SRGAP3: variants seen among roughly 807,000 people sequenced by gnomAD.
SRGAP3 encodes the protein SLIT-ROBO Rho GTPase-activating protein 3.
In SRGAP3, 39 loss-of-function variants were observed where a neutral mutation model predicts 121.1. The ratio of observed to expected loss-of-function variants is 0.32; its 90% CI spans 0.25 to 0.42. The LOEUF (loss-of-function observed/expected upper bound fraction) is 0.42. Ranked by LOEUF, SRGAP3 falls within the 10% of genes least tolerant of loss-of-function variation. SRGAP3 has a pLI of 1.00. For synonymous variants in SRGAP3, 601 were observed against 570.0 expected (o/e 1.05, Z -0.77); for missense variants, 1,213 against 1,470.6 (o/e 0.82, Z 2.86).
chr3:9,113,281 G>A (rs571186894), intron 2 of SRGAP3, among the ~76,000 whole-genome samples: 1 of 152,300 alleles, frequency 6.6e-6, no homozygotes, highest in East Asian at 1.9e-4. Context: ...TCCAAGGACT[G>A]TGAAGGAGGA....
rs144489859 is a variant in SRGAP3, at chr3:9,151,323, G to A, written c.68-26406C>T. ...GGAGCCCAGAACTTACTGGAGGCTC[G>A]TTCGGGATGTTTGGCATGCAGCCAT... On this transcript the variant is annotated intron_variant, in intron 1 of 21. Coordinates refer to ENST00000383836, the MANE Select transcript of SRGAP3 (RefSeq NM_014850.4). 4.7e-4 allele frequency among the ~76,000 whole-genome samples: 72 copies of A among 152,292 alleles called. No homozygotes were observed. In the Middle Eastern group the frequency reaches 0.027, roughly 58 times the overall value.
chr3:9,152,846 G>A (rs1477239783), intron 1 of SRGAP3, among the ~76,000 whole-genome samples: 1 of 124,992 alleles, frequency 8.0e-6, no homozygotes, highest in Non-Finnish European at 1.7e-5. Context: ...ATCCACGACT[G>A]ATCAACATGA....
At chr3:9,095,317 T>G (rs888343079) in intron 3 of SRGAP3, among the ~76,000 whole-genome samples, 6 of 152,076 alleles carry the variant, frequency 3.9e-5, no homozygotes, top group African/African-American at 1.4e-4. Context: ...TTTTATGGTT[T>G]GTGCTTTCTA....
chr3:9,350,071 A>G (rs1383244812), intron 1 of SRGAP3: 1 of 144,284 alleles, frequency 6.9e-6, no homozygotes, highest in East Asian at 2.0e-4. Flanking sequence ...AGTGATCTGT[A>G]AAAAAAAAAA....
chr3:9,264,923 C>T (rs140304854), intron 3 of SRGAP3, among the ~76,000 whole-genome samples: 3,726 of 152,240 alleles, frequency 0.024, 152 homozygotes, highest in African/African-American at 0.085. Flanking sequence ...CAAGACAATC[C>T]TAAGCAAAAA....
intron 3 of SRGAP3, among the ~76,000 whole-genome samples, chr3:9,298,480 T>C (rs560371238): frequency 6.6e-6 from 1 of 152,332 alleles, no homozygotes; most frequent in East Asian, 1.9e-4. Flanking sequence ...AATCTGGCTG[T>C]GATAGCTAGT....
intron 1 of SRGAP3, among the ~76,000 whole-genome samples, chr3:9,231,904 G>A (rs150641813): frequency 2.1e-3 from 320 of 152,264 alleles, no homozygotes; most frequent in African/African-American, 7.6e-3. Flanking sequence ...GAATGCAGAC[G>A]TGACTCGCTC....
chr3:9,089,143 C>A (rs991080571), intron 3 of SRGAP3, among the ~76,000 whole-genome samples: 10 of 152,184 alleles, frequency 6.6e-5, no homozygotes, highest in African/African-American at 2.4e-4. Context: ...TGCTCTCAAG[C>A]CTCCCAAAGT....
intron 21 of SRGAP3, among the ~76,000 whole-genome samples, chr3:8,990,153 GA>G (rs1941950440): frequency 1.3e-5 from 2 of 152,230 alleles, no homozygotes; most frequent in South Asian, 4.1e-4. Flanking sequence ...GCCAGTGAAT[GA>G]ATTGATGAAT....
chr3:9,037,732 C>T (rs1320194352), intron 11 of SRGAP3: 3 of 425,568 alleles, frequency 7.0e-6, no homozygotes, highest in East Asian at 4.4e-5. Context: ...ACCCCACAGC[C>T]TCTGGCCCCT....
chr3:9,139,556 G>A (rs538307373), intron 1 of SRGAP3, among the ~76,000 whole-genome samples: 11 of 152,234 alleles, frequency 7.2e-5, no homozygotes, highest in East Asian at 3.9e-4. Context: ...CCCTAGAGCC[G>A]CTGGAGGGAG....
chr3:9,242,970 C>G (rs1232315019), intron 1 of SRGAP3, among the ~76,000 whole-genome samples: 4 of 152,206 alleles, frequency 2.6e-5, no homozygotes, highest in Non-Finnish European at 4.4e-5. Flanking sequence ...CAGACATGAA[C>G]CACTGAGCCC....
intron 1 of SRGAP3, among the ~76,000 whole-genome samples, chr3:9,211,665 CTTTT>C (rs1193329370): frequency 3.3e-5 from 4 of 121,140 alleles, no homozygotes; most frequent in African/African-American, 6.2e-5. Context: ...TCTTTCTTTT[CTTTT>C]TTTTTTTTTT....
chr3:9,038,021 T>C (rs774956995), intron 11 of SRGAP3, 42 bp downstream of exon 11: 1 of 1,613,932 alleles, frequency 6.2e-7, no homozygotes, highest in South Asian at 1.1e-5. Flanking sequence ...CACTCCCACC[T>C]CGGGCAGCAG....
chr3:9,312,193 C>T (rs926376154), intron 3 of SRGAP3, among the ~76,000 whole-genome samples: 26 of 152,236 alleles, frequency 1.7e-4, no homozygotes, highest in South Asian at 6.2e-4. Context: ...CTTGCTCTGT[C>T]GCCCAGCCTG....
chr3:9,202,969 C>A (rs1952119882), intron 1 of SRGAP3, among the ~76,000 whole-genome samples: 1 of 152,214 alleles, frequency 6.6e-6, no homozygotes, highest in Non-Finnish European at 1.5e-5. Context: ...CAAGCCAGGC[C>A]AACTCCAAAA....
intron 14 of SRGAP3, among the ~76,000 whole-genome samples, chr3:9,017,639 G>A (rs909377173): frequency 8.1e-4 from 124 of 152,178 alleles, no homozygotes; most frequent in Non-Finnish European, 6.0e-4. Context: ...TCCTTTTGGG[G>A]AGGATGAAAA....
intron 3 of SRGAP3, among the ~76,000 whole-genome samples, chr3:9,294,560 C>A (rs1954920441): frequency 6.9e-6 from 1 of 145,548 alleles, no homozygotes; most frequent in African/African-American, 2.5e-5. Flanking sequence ...CAAAAAAAAA[C>A]ACCAATTCTT....
At chr3:9,315,613 C>G (rs1482759838) in intron 3 of SRGAP3, among the ~76,000 whole-genome samples, 2 of 152,190 alleles carry the variant, frequency 1.3e-5, no homozygotes, top group Non-Finnish European at 2.9e-5. Flanking sequence ...CTCAGCCAAA[C>G]AGTTCAATAA....
Sources: allele counts gnomAD v4.1 joint callset (sites outside exome capture counted in the v4.1 genomes callset), GRCh38; gene constraint gnomAD v4.1.1; transcripts MANE v1.5; gene names NCBI Gene and HGNC (gene_info 2026-07-23, HGNC 2026-07-21).